Variants in JAKMIP3 observed in about 807,000 individuals in gnomAD.
JAKMIP3 encodes Janus kinase and microtubule interacting protein 3.
A neutral mutation model predicts 118.5 loss-of-function variants in JAKMIP3; 58 were observed. The ratio of observed to expected loss-of-function variants is 0.49; its 90% confidence interval spans 0.40 to 0.61. The LOEUF is 0.61. Among genes scored for constraint, JAKMIP3 ranks in the 20% least tolerant of loss-of-function variants. JAKMIP3 has a pLI of 0.00. For synonymous variants in JAKMIP3, 486 were observed against 451.2 expected (o/e 1.08, Z -0.98); for missense variants, 950 against 1,109.0 (o/e 0.86, Z 2.04).
chr10:132,167,925 T>G, intron 22 of JAKMIP3, 28 bp from the exon 23 acceptor site: 15 of 1,283,160 alleles, frequency 1.2e-5, no homozygotes, highest in Non-Finnish European at 1.5e-5. Context: ...CCTCGCTGAC[T>G]CTGCACTCTA....
Position 132,167,950 on chromosome 10 carries a change from C to T in JAKMIP3, c.*23-3C>T, listed in dbSNP as rs1254820228. 5 of 1,289,186 alleles carry T rather than the reference C, an allele frequency of 3.9e-6. No homozygotes were observed. Among genetic ancestry groups the T allele is most frequent in the Middle Eastern group, 2.1e-4 (1 of 4,694 alleles). 79.9% of individuals were successfully genotyped at this position (1,289,186 alleles called of 1,614,324 possible). ...TCTGCACTCTACGTTTCATTTCTTC[C>T]AGCCCCACATTGAATCGGACCCTTT... On this transcript the variant is annotated splice_region_variant and splice_polypyrimidine_tract_variant and intron_variant, in intron 22 of 23. Transcript: ENST00000684848.
At chr10:132,175,600 T>A (rs1328312777) in intron 23 of JAKMIP3, among the ~76,000 whole-genome samples, 2 of 152,126 alleles carry the variant, frequency 1.3e-5, no homozygotes, top group African/African-American at 4.8e-5. Context: ...CGAGGTGTGT[T>A]GATTAACTGT....
intron 1 of JAKMIP3, among the ~76,000 whole-genome samples, chr10:132,054,222 A>G (rs543519701): frequency 6.6e-6 from 1 of 152,162 alleles, no homozygotes; most frequent in East Asian, 1.9e-4. Context: ...TGTCTGTGTA[A>G]ACTGTGGCTC....
intron 23 of JAKMIP3, among the ~76,000 whole-genome samples, chr10:132,180,784 C>CGT (rs747427248): frequency 3.6e-5 from 2 of 54,814 alleles, no homozygotes; most frequent in Admixed American, 1.8e-4. Context: ...TGTGTGTGTG[C>CGT]GCGTATGCAT....
Position 132,137,022 on chromosome 10 carries a change from CAGAG to C in JAKMIP3, c.1123_1126del (p.Arg375LeufsTer10). On this transcript the variant is annotated frameshift_variant, in exon 7 of 24. Transcript: ENST00000684848. LOFTEE classifies it high-confidence loss of function. Reference sequence around the variant, plus strand: ...TGTGGGCTGCTTGGCGTTTCAGAGACAGAGAGCTGGAATCATACGGAGACCCAGT... The same window carrying C: ...TGTGGGCTGCTTGGCGTTTCAGAGACAGCTGGAATCATACGGAGACCCAGT... 3 of 1,613,246 alleles carry C rather than the reference CAGAG, an allele frequency of 1.9e-6. No homozygotes were observed. Among genetic ancestry groups the C allele is most frequent in the Non-Finnish European group, 2.5e-6 (3 of 1,179,526 alleles).
chr10:132,166,564 G>A (rs1334748918), intron 21 of JAKMIP3, among the ~76,000 whole-genome samples: 1 of 152,170 alleles, frequency 6.6e-6, no homozygotes, highest in East Asian at 1.9e-4. Context: ...CTGGGCACTT[G>A]GAATGTCTTT....
rs755204375 is a variant in JAKMIP3 at position 132,179,544 on chromosome 10, A to G, written c.*1104-2813A>G. On this transcript the variant is annotated intron_variant, in intron 23 of 23. Coordinates refer to ENST00000684848, the MANE Select transcript of JAKMIP3 (RefSeq NM_001323087.2). The surrounding 1 kb of genome is among the most constrained non-coding windows in gnomAD (Gnocchi z 4.3). ...GCCACGTGAATGGCCAAGTACGTAA[A>G]AGAATGCGCTCCCTGAAGGCAATTC... is the stretch of plus-strand genomic sequence containing the variant. Among the ~76,000 whole-genome samples, 48 of 152,270 alleles carry G rather than the reference A, an allele frequency of 3.2e-4. No individual in the cohort carries two copies. Among genetic ancestry groups the G allele is most frequent in the Non-Finnish European group, 5.3e-4 (36 of 68,002 alleles).
Position 132,137,343 on chromosome 10 carries a change from C to T in JAKMIP3, c.1284+54C>T, listed in dbSNP as rs951921267. 4.9e-5 allele frequency: 79 copies of T among 1,604,990 alleles called. No individual in the cohort carries two copies. The East Asian group carries it at 1.3e-3, about 26-fold the overall frequency. On this transcript the variant is annotated intron_variant, in intron 8 of 23. Transcript: ENST00000684848. ...CGCCTCCGCTCCCCACGCAGTTGCC[C>T]GTGGGACCCATTCTGTGCCCAGGGC... is the stretch of plus-strand genomic sequence containing the variant.
At position 132,180,658 on chromosome 10, in the gene JAKMIP3, CGT is replaced by C. The variant is rs1197794956; in HGVS notation, c.*1104-1693_*1104-1692del. ...GCGTGCGTGTGTGCGTGTGCGTGTGCGTGTGTGCGTGTGTGTGCGCGCGCGTG... is the reference window on the plus strand; with the variant it reads ...GCGTGCGTGTGTGCGTGTGCGTGTGCGTGTGCGTGTGTGTGCGCGCGCGTG... On this transcript the variant is annotated intron_variant, in intron 23 of 23. Transcript: ENST00000684848. Among the ~76,000 whole-genome samples, 22 of 8,420 alleles carry C rather than the reference CGT, an allele frequency of 2.6e-3. 4 individuals carry two copies. Among genetic ancestry groups the C allele is most frequent in the African/African-American group, 9.0e-3 (11 of 1,228 alleles). 5.5% of individuals were successfully genotyped at this position (8,420 alleles called of 152,430 possible).
chr10:132,150,821 T>C (rs150240970), intron 16 of JAKMIP3, among the ~76,000 whole-genome samples: 15 of 146,902 alleles, frequency 1.0e-4, no homozygotes, highest in South Asian at 6.3e-4. Context: ...TCCATCTATC[T>C]GTCCTCCACA....
rs1293089752 is a variant in JAKMIP3 at position 132,133,538 on chromosome 10, C to T, written c.849+11C>T. On this transcript the variant is annotated intron_variant, in intron 4 of 23. Coordinates refer to ENST00000684848, the MANE Select transcript of JAKMIP3 (RefSeq NM_001323087.2). ...CACTCGGGAAGCCCTGTAAGCACCT[C>T]CCAGGCCCACCGGCCCACCCCGTGT... The T allele has an allele frequency of 1.0e-5, 16 of 1,551,838 alleles. No individual in the cohort carries two copies. Among genetic ancestry groups the T allele is most frequent in the Non-Finnish European group, 1.4e-5 (16 of 1,148,164 alleles).
intron 10 of JAKMIP3, among the ~76,000 whole-genome samples, chr10:132,141,410 G>A (rs113687739): frequency 3.3e-5 from 5 of 152,162 alleles, no homozygotes; most frequent in East Asian, 1.9e-4. Context: ...CTGGGGTGAC[G>A]GGGGGCACTG....
chr10:132,115,914 C>G (rs1685660986), intron 2 of JAKMIP3, among the ~76,000 whole-genome samples: 1 of 152,250 alleles, frequency 6.6e-6, no homozygotes, highest in African/African-American at 2.4e-5. Context: ...ATGGCCGTGT[C>G]CAGCCATAAG....
chr10:132,140,417 G>C (rs2053257785), intron 9 of JAKMIP3, 34 bp from the exon 10 acceptor site: 1 of 1,612,688 alleles, frequency 6.2e-7, no homozygotes, highest in Non-Finnish European at 8.5e-7. Flanking sequence ...GCCTGGGTCT[G>C]GTTTGAACTG....
intron 22 of JAKMIP3, among the ~76,000 whole-genome samples, 152 bp downstream of exon 22, chr10:132,167,207 C>A (rs1320036745): frequency 6.6e-6 from 1 of 150,884 alleles, no homozygotes; most frequent in Non-Finnish European, 1.5e-5. Context: ...TAGAAAGCCA[C>A]CCGCGTCCTT....
chr10:132,145,072 A>G (rs1179157655), intron 11 of JAKMIP3, 35 bp from the exon 12 acceptor site: 1 of 1,581,452 alleles, frequency 6.3e-7, no homozygotes, highest in Non-Finnish European at 8.6e-7. Context: ...CAGCTTTTAG[A>G]GAAAATTTGA....
intron 1 of JAKMIP3, among the ~76,000 whole-genome samples, chr10:132,082,174 G>T (rs990497366): frequency 3.3e-5 from 5 of 149,516 alleles, no homozygotes; most frequent in African/African-American, 1.2e-4. Flanking sequence ...TTGTTTGGGG[G>T]GGGGGGCTGA....
At chr10:132,172,991 C>T (rs1169143341) in intron 23 of JAKMIP3, among the ~76,000 whole-genome samples, 2 of 32,782 alleles carry the variant, frequency 6.1e-5, no homozygotes, top group Non-Finnish European at 1.7e-4. Flanking sequence ...CTCTCTCTCT[C>T]TCTCCTTCCC....
At chr10:132,056,663 C>T (rs143390870) in intron 1 of JAKMIP3, among the ~76,000 whole-genome samples, 1 of 152,180 alleles carries the variant, frequency 6.6e-6, no homozygotes, top group Non-Finnish European at 1.5e-5. Context: ...TTTTGTGAGG[C>T]CACCGAAGCT....
Sources: gnomAD v4.1 joint callset for allele counts (sites outside exome capture counted in the v4.1 genomes callset) on GRCh38, gnomAD v4.1.1 for gene constraint, Gnocchi (gnomAD v3.1) non-coding constraint, MANE v1.5 for transcripts, NCBI Gene and HGNC (gene_info 2026-07-23, HGNC 2026-07-21) for gene names.